Variants in JAZF1 observed in about 807,000 individuals in gnomAD.
The protein encoded by JAZF1 is JAZF zinc finger 1, also known as juxtaposed with another zinc finger protein 1.
Under a neutral mutation model 26.4 loss-of-function variants are expected in JAZF1, and 8 were observed. That is an observed-to-expected ratio of 0.30 (90% CI 0.18 to 0.55). The LOEUF is 0.55. Among genes scored for constraint, JAZF1 ranks in the 20% least tolerant of loss-of-function variants. The probability of loss-of-function intolerance (pLI) is 0.94; values close to 1 mark genes in which losing one functional copy is unlikely to be tolerated. For missense variants in JAZF1, 199 were observed against 322.0 expected (o/e 0.62, Z 2.92); for synonymous variants, 126 against 122.3 (o/e 1.03, Z -0.20).
chr7:27,950,990 G>A (rs1784999337), intron 2 of JAZF1, among the ~76,000 whole-genome samples: 1 of 151,846 alleles, frequency 6.6e-6, no homozygotes. Context: ...ACAAAATGAA[G>A]CAACTACATT....
In JAZF1 at chr7:28,179,611, C is replaced by T. The variant is rs560747889; in HGVS notation, c.115+852G>A. On this transcript the variant is annotated intron_variant, in intron 1 of 4. Transcript: ENST00000283928. ...CGCCGCAGGGGCCTCCAGGGCGCGT[C>T]GACCCCGGGGCGCTGGGCGCGGCCC... Among the ~76,000 whole-genome samples, 12 of 150,990 alleles carry T rather than the reference C, an allele frequency of 7.9e-5. No homozygotes were observed. The East Asian group carries it at 2.4e-3, about 30-fold the overall frequency.
chr7:27,931,840 G>C (rs932004186), intron 2 of JAZF1, among the ~76,000 whole-genome samples: 5 of 152,084 alleles, frequency 3.3e-5, no homozygotes, highest in Non-Finnish European at 7.4e-5. Context: ...TTGAACCTGG[G>C]AGGTAGAGGT....
intron 2 of JAZF1, chr7:27,913,361 A>C: frequency 2.2e-6 from 1 of 458,638 alleles, no homozygotes; most frequent in Non-Finnish European, 4.5e-6. Context: ...GGGAGGAAGA[A>C]AAAAACAACA....
intron 2 of JAZF1, among the ~76,000 whole-genome samples, chr7:27,950,304 G>A (rs1462074979): frequency 6.6e-6 from 1 of 152,218 alleles, no homozygotes; most frequent in Non-Finnish European, 1.5e-5. Context: ...GACACCCTGA[G>A]CAGTTGACAG....
chr7:28,144,652 C>A (rs926155492), intron 1 of JAZF1, among the ~76,000 whole-genome samples: 2 of 152,160 alleles, frequency 1.3e-5, no homozygotes, highest in Non-Finnish European at 2.9e-5. Flanking sequence ...TTAAATCAAA[C>A]ACACAATAGG....
At chr7:27,843,564 A>G (rs1782962379) in intron 3 of JAZF1, 1 of 152,256 alleles carries the variant, frequency 6.6e-6, no homozygotes, top group Non-Finnish European at 1.5e-5. Flanking sequence ...ACCAAACAAA[A>G]TAATTCCAAA....
chr7:27,914,087 G>A (rs571790335), intron 2 of JAZF1, among the ~76,000 whole-genome samples: 5 of 152,284 alleles, frequency 3.3e-5, no homozygotes, highest in East Asian at 3.9e-4. Flanking sequence ...CAGAGCACAG[G>A]GGCAGGAGAA....
intron 2 of JAZF1, among the ~76,000 whole-genome samples, chr7:27,924,739 C>A (rs1784583935): frequency 6.6e-6 from 1 of 152,154 alleles, no homozygotes; most frequent in Non-Finnish European, 1.5e-5. Flanking sequence ...AAATGAATGC[C>A]ATTAAAACTT....
At chr7:28,006,877 T>C (rs998749874) in intron 1 of JAZF1, among the ~76,000 whole-genome samples, 7 of 152,188 alleles carry the variant, frequency 4.6e-5, no homozygotes, top group Non-Finnish European at 1.0e-4. Context: ...TTTAAGGTGA[T>C]TTTATTATAT....
intron 4 of JAZF1, among the ~76,000 whole-genome samples, chr7:27,835,895 T>C (rs1002238905): frequency 1.3e-5 from 2 of 152,100 alleles, no homozygotes; most frequent in Non-Finnish European, 2.9e-5. Context: ...TTGAAAAAAA[T>C]GGAATCAAGC....
At chr7:28,148,878 T>C (rs1376929976) in intron 1 of JAZF1, among the ~76,000 whole-genome samples, 2 of 152,222 alleles carry the variant, frequency 1.3e-5, no homozygotes, top group Admixed American at 1.3e-4. Context: ...ACTCAGGGTC[T>C]GGAGGAGGAA....
At chr7:27,917,812 T>C (rs906480181) in intron 2 of JAZF1, among the ~76,000 whole-genome samples, 3 of 152,232 alleles carry the variant, frequency 2.0e-5, no homozygotes, top group African/African-American at 4.8e-5. Flanking sequence ...CAAGTTTGCA[T>C]AGACCGTTTT....
intron 1 of JAZF1, among the ~76,000 whole-genome samples, chr7:28,039,828 A>G (rs1783358881): frequency 6.6e-6 from 1 of 152,224 alleles, no homozygotes; most frequent in African/African-American, 2.4e-5. Context: ...ACAGCACAAA[A>G]TACAGACGTG....
At chr7:27,931,879 C>A (rs1041891266) in intron 2 of JAZF1, among the ~76,000 whole-genome samples, 1 of 151,950 alleles carries the variant, frequency 6.6e-6, no homozygotes, top group Non-Finnish European at 1.5e-5. Flanking sequence ...CACCACTGCA[C>A]TCCAGCCTAA....
intron 1 of JAZF1, among the ~76,000 whole-genome samples, chr7:28,139,937 G>C (rs1409749199): frequency 5.9e-5 from 9 of 152,088 alleles, no homozygotes; most frequent in Non-Finnish European, 1.3e-4. Flanking sequence ...TATGTATTTG[G>C]GGAACAGGGA....
intron 3 of JAZF1, among the ~76,000 whole-genome samples, chr7:27,872,095 G>A (rs149992954): frequency 1.7e-3 from 262 of 152,178 alleles, no homozygotes; most frequent in East Asian, 4.1e-3. Flanking sequence ...ACATAAACTC[G>A]TCCCCGCCAG....
At chr7:28,096,198 T>G (rs1784382008) in intron 1 of JAZF1, among the ~76,000 whole-genome samples, 1 of 152,214 alleles carries the variant, frequency 6.6e-6, no homozygotes, top group South Asian at 2.1e-4. Flanking sequence ...CTGTCCGCTC[T>G]TGGAGTTGGA....
At chr7:27,958,357 G>A (rs1583480689) in intron 2 of JAZF1, among the ~76,000 whole-genome samples, 1 of 152,174 alleles carries the variant, frequency 6.6e-6, no homozygotes, top group South Asian at 2.1e-4. Context: ...AAAGCAAGTA[G>A]AGAGAAACCA....
At chr7:28,076,165 G>A (rs865860470) in intron 1 of JAZF1, among the ~76,000 whole-genome samples, 8 of 152,214 alleles carry the variant, frequency 5.3e-5, no homozygotes, top group Middle Eastern at 6.8e-3. Flanking sequence ...TTCCGCTCCC[G>A]GCTCATTATC....
Sources: allele counts gnomAD v4.1 joint callset (sites outside exome capture counted in the v4.1 genomes callset), GRCh38; gene constraint gnomAD v4.1.1; transcripts MANE v1.5; gene names NCBI Gene and HGNC (gene_info 2026-07-23, HGNC 2026-07-21).